CELF2: variants seen among roughly 807,000 people sequenced by gnomAD.
The protein encoded by CELF2 is CUGBP Elav-like family member 2.
Under a neutral mutation model 62.6 loss-of-function variants are expected in CELF2, and 8 were observed. That is an observed-to-expected ratio of 0.13 (90% CI 0.07 to 0.23). The LOEUF (loss-of-function observed/expected upper bound fraction) is 0.23. CELF2 is among the 10% of genes least tolerant of loss of function. CELF2 has a pLI of 1.00. For synonymous variants in CELF2, 258 were observed against 250.0 expected (o/e 1.03, Z -0.30); for missense variants, 333 against 671.0 (o/e 0.50, Z 5.56).
chr10:10,798,608 G>A (rs1034425747), upstream of CELF2: 2 of 396,286 alleles, frequency 5.0e-6, no homozygotes, highest in Non-Finnish European at 8.9e-6. Context: ...ATTGATTTGC[G>A]GGGTGGAGAG....
chr10:10,759,967 G>A, the CELF2 span, among the ~76,000 whole-genome samples: 1 of 152,120 alleles, frequency 6.6e-6, no homozygotes, highest in Non-Finnish European at 1.5e-5. Context: ...GTGCAGTGAT[G>A]CGATCTTGGC....
chr10:10,495,031 C>A, the CELF2 span, among the ~76,000 whole-genome samples: 3 of 152,116 alleles, frequency 2.0e-5, no homozygotes, highest in Admixed American at 2.0e-4. Context: ...AATCCCAGCA[C>A]TTTGGGAGGC....
At chr10:11,130,419 C>T (rs960300717) in intron 1 of CELF2, among the ~76,000 whole-genome samples, 1 of 152,186 alleles carries the variant, frequency 6.6e-6, no homozygotes, top group Non-Finnish European at 1.5e-5. Flanking sequence ...CCTCCTTGCA[C>T]CCCAGGATGG....
chr10:10,485,092 C>T, the CELF2 span, among the ~76,000 whole-genome samples: 1 of 151,974 alleles, frequency 6.6e-6, no homozygotes, highest in Admixed American at 6.5e-5. Flanking sequence ...ACATGATCTG[C>T]CAAGGGGATT....
At chr10:10,469,128 T>A in the CELF2 span, among the ~76,000 whole-genome samples, 2 of 151,968 alleles carry the variant, frequency 1.3e-5, no homozygotes, top group Admixed American at 6.6e-5. Context: ...CAAGTGCTTG[T>A]GGCTATAATA....
intron 2 of CELF2, among the ~76,000 whole-genome samples, chr10:10,929,448 T>C (rs1465250451): frequency 6.6e-6 from 1 of 152,198 alleles, no homozygotes; most frequent in Non-Finnish European, 1.5e-5. Flanking sequence ...AAAGAGAGGA[T>C]TATGCTAATT....
the CELF2 span, among the ~76,000 whole-genome samples, chr10:10,488,364 T>C: frequency 6.6e-6 from 1 of 152,144 alleles, no homozygotes; most frequent in African/African-American, 2.4e-5. Flanking sequence ...TTAATTTCCC[T>C]ATGTGTCAGT....
chr10:10,599,234 A>T, the CELF2 span, among the ~76,000 whole-genome samples: 2 of 152,202 alleles, frequency 1.3e-5, no homozygotes, highest in Non-Finnish European at 2.9e-5. Flanking sequence ...ACTTCAATTG[A>T]AATTTTGGCT....
intron 1 of CELF2, among the ~76,000 whole-genome samples, chr10:11,099,018 C>T (rs532528951): frequency 2.0e-5 from 3 of 152,320 alleles, no homozygotes; most frequent in Admixed American, 6.5e-5. Context: ...ATAAAAGTTT[C>T]GCCAGAGAAT....
chr10:11,275,217 A>C (rs1286355615), intron 8 of CELF2, 97 bp downstream of exon 8: 1 of 1,189,618 alleles, frequency 8.4e-7, no homozygotes, highest in Non-Finnish European at 1.3e-6. Flanking sequence ...AAGAGAACCA[A>C]GAATGATGAT....
chr10:10,468,821 C>T, the CELF2 span, among the ~76,000 whole-genome samples: 288 of 151,996 alleles, frequency 1.9e-3, 3 homozygotes, highest in African/African-American at 6.6e-3. Context: ...TTACATAAAG[C>T]ATCAGTGATC....
intron 1 of CELF2, among the ~76,000 whole-genome samples, chr10:10,853,191 G>A (rs1042994094): frequency 3.9e-5 from 6 of 152,174 alleles, no homozygotes; most frequent in African/African-American, 1.4e-4. Context: ...ATGTTGGCCA[G>A]GTTGGTACTG....
chr10:10,754,275 G>A, the CELF2 span, among the ~76,000 whole-genome samples: 1 of 151,576 alleles, frequency 6.6e-6, no homozygotes, highest in Non-Finnish European at 1.5e-5. Context: ...CTCCCAAGTA[G>A]CTGGTACTGT....
intron 2 of CELF2, among the ~76,000 whole-genome samples, chr10:11,183,953 A>G (rs1227783185): frequency 6.6e-6 from 1 of 152,104 alleles, no homozygotes; most frequent in East Asian, 1.9e-4. Flanking sequence ...TCTTTTACTG[A>G]TTGTGCTTTG....
intron 1 of CELF2, among the ~76,000 whole-genome samples, chr10:10,854,516 C>A (rs1292897383): frequency 6.6e-6 from 1 of 152,176 alleles, no homozygotes; most frequent in Admixed American, 6.5e-5. Context: ...GGAACCCACT[C>A]CGGGATCCAA....
At chr10:10,682,024 T>C in the CELF2 span, among the ~76,000 whole-genome samples, 1 of 152,186 alleles carries the variant, frequency 6.6e-6, no homozygotes, top group Non-Finnish European at 1.5e-5. Flanking sequence ...TGACATTAAG[T>C]CTCTAGACAG....
At chr10:11,188,449 T>A (rs1427552821) in intron 2 of CELF2, among the ~76,000 whole-genome samples, 1 of 152,174 alleles carries the variant, frequency 6.6e-6, no homozygotes, top group African/African-American at 2.4e-5. Flanking sequence ...TGGACAGGAT[T>A]TTCCTTTTCT....
intron 1 of CELF2, among the ~76,000 whole-genome samples, chr10:11,108,359 T>G (rs2054222363): frequency 6.6e-6 from 1 of 151,616 alleles, no homozygotes; most frequent in Admixed American, 6.6e-5. Context: ...TTTTTTTGTT[T>G]GTTTTTTCAG....
chr10:10,625,678 C>A, the CELF2 span, among the ~76,000 whole-genome samples: 1 of 152,172 alleles, frequency 6.6e-6, no homozygotes, highest in Admixed American at 6.5e-5. Flanking sequence ...CAGCTTCCTT[C>A]AACTTCTCTT....
Sources: gnomAD v4.1 joint callset for allele counts (sites outside exome capture counted in the v4.1 genomes callset) on GRCh38, gnomAD v4.1.1 for gene constraint, MANE v1.5 for transcripts, NCBI Gene and HGNC (gene_info 2026-07-23, HGNC 2026-07-21) for gene names.